Variants in KLHL29 observed in about 807,000 individuals in gnomAD.
The protein encoded by KLHL29 is kelch like family member 29.
KLHL29 carries 21 observed loss-of-function variants against 80.4 expected under a neutral mutation model. The ratio of observed to expected loss-of-function variants is 0.26; its 90% CI spans 0.19 to 0.38. The LOEUF (loss-of-function observed/expected upper bound fraction) is 0.38. KLHL29 is among the 10% of genes least tolerant of loss of function. The pLI is 1.00. For synonymous variants in KLHL29, 511 were observed against 526.8 expected, an observed-to-expected ratio of 0.97 and a Z score of 0.41; for missense variants, 867 against 1,223.9, an observed-to-expected ratio of 0.71 and a Z score of 4.35.
chr2:23,468,725 T>C (rs1379509092), intron 1 of KLHL29, among the ~76,000 whole-genome samples: 11 of 152,164 alleles, frequency 7.2e-5, no homozygotes, highest in Admixed American at 6.5e-4. Flanking sequence ...GGCTGGCTAT[T>C]TGAGTGCTTG....
At chr2:23,533,027 T>G (rs1277435226) in intron 2 of KLHL29, among the ~76,000 whole-genome samples, 1 of 152,180 alleles carries the variant, frequency 6.6e-6, no homozygotes, top group Non-Finnish European at 1.5e-5. Context: ...CAGAAGGTGC[T>G]GCCTGGCCTG....
chr2:23,527,366 C>T (rs1215117831), intron 2 of KLHL29, among the ~76,000 whole-genome samples: 3 of 152,232 alleles, frequency 2.0e-5, no homozygotes, highest in Non-Finnish European at 1.5e-5. Context: ...TAGTATACCA[C>T]ACTGTGTCTG....
At chr2:23,407,546 G>C (rs1227768601) in intron 1 of KLHL29, among the ~76,000 whole-genome samples, 5 of 151,472 alleles carry the variant, frequency 3.3e-5, no homozygotes, top group African/African-American at 1.2e-4. Flanking sequence ...TATTTTTTCA[G>C]TTTGTCATTT....
At chr2:23,491,897 C>T (rs1222149989) in intron 2 of KLHL29, among the ~76,000 whole-genome samples, 1 of 152,178 alleles carries the variant, frequency 6.6e-6, no homozygotes, top group Non-Finnish European at 1.5e-5. Context: ...TGCATCTCGC[C>T]TCCACGTACT....
chr2:23,616,968 G>C (rs893179391), intron 3 of KLHL29: 1 of 152,246 alleles, frequency 6.6e-6, no homozygotes, highest in Non-Finnish European at 1.5e-5. Flanking sequence ...CGTGACCGCC[G>C]TATCGCAGCG....
At chr2:23,649,578 C>G (rs1045671143) in intron 5 of KLHL29, among the ~76,000 whole-genome samples, 3 of 152,232 alleles carry the variant, frequency 2.0e-5, no homozygotes, top group Non-Finnish European at 4.4e-5. Flanking sequence ...AGGGCACAGG[C>G]AGAGAGAACC....
At chr2:23,506,415 G>A (rs2103458543) in intron 2 of KLHL29, among the ~76,000 whole-genome samples, 1 of 152,330 alleles carries the variant, frequency 6.6e-6, no homozygotes, top group African/African-American at 2.4e-5. Context: ...CTTGCCACTG[G>A]GGAGAGAATC....
At chr2:23,651,527 T>A (rs1285794296) in intron 5 of KLHL29, among the ~76,000 whole-genome samples, 3 of 152,212 alleles carry the variant, frequency 2.0e-5, no homozygotes, top group East Asian at 3.8e-4. Flanking sequence ...CTAGGGCGTG[T>A]CTTCCCTGGT....
At chr2:23,701,326 G>A (rs76198839) in intron 11 of KLHL29, among the ~76,000 whole-genome samples, 2 of 152,190 alleles carry the variant, frequency 1.3e-5, no homozygotes, top group East Asian at 1.9e-4. Context: ...TAGTCTCCCC[G>A]CTTCTGACCT....
At chr2:23,576,709 G>A (rs559656645) in intron 3 of KLHL29, among the ~76,000 whole-genome samples, 4 of 152,312 alleles carry the variant, frequency 2.6e-5, no homozygotes, top group East Asian at 1.9e-4. Flanking sequence ...AATGAGCACC[G>A]AGCAGAAATT....
chr2:23,499,162 T>G (rs1281881617), intron 2 of KLHL29, among the ~76,000 whole-genome samples: 1 of 152,208 alleles, frequency 6.6e-6, no homozygotes, highest in Non-Finnish European at 1.5e-5. Flanking sequence ...TTGGATTTTT[T>G]GGCATACTCA....
intron 1 of KLHL29, among the ~76,000 whole-genome samples, chr2:23,467,792 G>C (rs1424996594): frequency 6.6e-6 from 1 of 152,154 alleles, no homozygotes; most frequent in African/African-American, 2.4e-5. Context: ...TTCAGGGAGA[G>C]AGCTGGAGGG....
chr2:23,677,752 T>C (rs2149182099), intron 5 of KLHL29, among the ~76,000 whole-genome samples: 1 of 152,370 alleles, frequency 6.6e-6, no homozygotes, highest in African/African-American at 2.4e-5. Flanking sequence ...AGTGTCAGCA[T>C]GCGTCGCGCT....
chr2:23,481,609 A>G (rs755000533), intron 2 of KLHL29, among the ~76,000 whole-genome samples: 35 of 152,190 alleles, frequency 2.3e-4, no homozygotes, highest in Non-Finnish European at 3.4e-4. Context: ...GAGCCCTCCA[A>G]GATCCCGTAG....
chr2:23,461,975 CATT>C (rs886742817), intron 1 of KLHL29, among the ~76,000 whole-genome samples: 2 of 79,504 alleles, frequency 2.5e-5, no homozygotes, highest in African/African-American at 8.7e-5. Context: ...CGGTTTTTGC[CATT>C]TTTTTTTTTT....
At chr2:23,459,323 C>G (rs914452387) in intron 1 of KLHL29, among the ~76,000 whole-genome samples, 6 of 152,022 alleles carry the variant, frequency 3.9e-5, no homozygotes, top group African/African-American at 1.2e-4. Flanking sequence ...TGTACAGATC[C>G]GGAGCTCAGA....
intron 5 of KLHL29, among the ~76,000 whole-genome samples, chr2:23,673,286 A>G (rs1232792376): frequency 7.6e-6 from 1 of 131,806 alleles, no homozygotes; most frequent in Non-Finnish European, 1.7e-5. Flanking sequence ...ACACTCCCAC[A>G]CCACGTGCTC....
chr2:23,389,480 G>A (rs1254875573), intron 1 of KLHL29, among the ~76,000 whole-genome samples: 1 of 152,032 alleles, frequency 6.6e-6, no homozygotes, highest in African/African-American at 2.4e-5. Context: ...TGCCTACTTG[G>A]GGATAGGAGG....
At chr2:23,571,380 G>T (rs1027827538) in intron 3 of KLHL29, among the ~76,000 whole-genome samples, 9 of 152,200 alleles carry the variant, frequency 5.9e-5, no homozygotes, top group African/African-American at 1.9e-4. Context: ...GGGCATTGCT[G>T]CCCATTTGCC....
Sources: gnomAD v4.1 joint callset for allele counts (sites outside exome capture counted in the v4.1 genomes callset) on GRCh38, gnomAD v4.1.1 for gene constraint, MANE v1.5 for transcripts, NCBI Gene and HGNC (gene_info 2026-07-23, HGNC 2026-07-21) for gene names.